CARMIL1: variants seen among roughly 807,000 people sequenced by gnomAD.
The protein encoded by CARMIL1 is F-actin-uncapping protein LRRC16A.
Under a neutral mutation model 177.1 loss-of-function variants are expected in CARMIL1, and 90 were observed. The ratio of observed to expected loss-of-function variants is 0.51; its 90% CI spans 0.43 to 0.61. The LOEUF (loss-of-function observed/expected upper bound fraction) is 0.61, where lower values mean the gene tolerates loss of function less well. Ranked by LOEUF, CARMIL1 falls within the 20% of genes least tolerant of loss-of-function variation. The pLI is 0.00. For synonymous variants in CARMIL1, 577 were observed against 606.2 expected (o/e 0.95, Z 0.71); for missense variants, 1,380 against 1,667.0 (o/e 0.83, Z 3.00).
chr6:25,367,746 C>T (rs758858215), intron 2 of CARMIL1, among the ~76,000 whole-genome samples: 32 of 152,212 alleles, frequency 2.1e-4, no homozygotes, highest in East Asian at 3.8e-4. Flanking sequence ...GACCACCTCT[C>T]CTGTGCTGCA....
chr6:25,547,364 AAAG>A (rs1342858839), intron 26 of CARMIL1, among the ~76,000 whole-genome samples: 3 of 152,180 alleles, frequency 2.0e-5, no homozygotes, highest in Non-Finnish European at 4.4e-5. Context: ...AGACACATAT[AAAG>A]AAGAACAAGA....
chr6:25,286,647 A>G (rs1781543665), intron 2 of CARMIL1, among the ~76,000 whole-genome samples: 1 of 152,202 alleles, frequency 6.6e-6, no homozygotes, highest in Admixed American at 6.5e-5. Context: ...TTAATAATGT[A>G]GTAACTTTAT....
At chr6:25,310,746 C>T (rs1159637748) in intron 2 of CARMIL1, among the ~76,000 whole-genome samples, 2 of 152,118 alleles carry the variant, frequency 1.3e-5, no homozygotes, top group African/African-American at 4.8e-5. Flanking sequence ...GCTTAAAGTT[C>T]TGTGATTTCT....
chr6:25,331,650 G>A lies in CARMIL1; in HGVS notation c.138+46741G>A, dbSNP rs114739983. Reference sequence around the variant, plus strand: ...CTCTTGCAGGACCCGTGAGGCATCCGTCCCCCAAGGGAGCCGAAGTTCAGT... The same window carrying A: ...CTCTTGCAGGACCCGTGAGGCATCCATCCCCCAAGGGAGCCGAAGTTCAGT... On this transcript the variant is annotated intron_variant, in intron 2 of 36. Coordinates refer to ENST00000329474, the MANE Select transcript of CARMIL1 (RefSeq NM_017640.6). 3.6e-3 allele frequency among the ~76,000 whole-genome samples: 551 copies of A among 152,310 alleles called. 3 individuals carry two copies. The highest frequency in any genetic ancestry group is 0.012 in the African/African-American group (503 of 41,562).
rs1388238352 is a variant in CARMIL1, at chr6:25,441,351, G to A, written c.371+5747G>A. Among the ~76,000 whole-genome samples, 63 of 133,476 alleles carry A rather than the reference G, an allele frequency of 4.7e-4. 1 individual carries two copies. Among genetic ancestry groups the A allele is most frequent in the African/African-American group, 1.7e-3 (59 of 34,736 alleles). 87.6% of individuals were successfully genotyped at this position (133,476 alleles called of 152,430 possible). ...TATATATATATATGTGTGTGTGTGT[G>A]TGTGTGTGTGTGTGTGTGTGTCTAT... On this transcript the variant is annotated intron_variant, in intron 5 of 36. Transcript: ENST00000329474.
At chr6:25,294,186 A>G (rs1366172612) in intron 2 of CARMIL1, among the ~76,000 whole-genome samples, 1 of 152,222 alleles carries the variant, frequency 6.6e-6, no homozygotes, top group Non-Finnish European at 1.5e-5. Flanking sequence ...AGCCTTTGGC[A>G]AGGGTTTGAG....
chr6:25,500,466 TC>T (rs1212491405), intron 17 of CARMIL1, among the ~76,000 whole-genome samples: 2 of 152,196 alleles, frequency 1.3e-5, no homozygotes, highest in Non-Finnish European at 2.9e-5. Context: ...TTGTTGTTGT[TC>T]CATTCTTGGT....
chr6:25,386,566 G>C (rs1488722807), intron 2 of CARMIL1, among the ~76,000 whole-genome samples: 1 of 152,036 alleles, frequency 6.6e-6, no homozygotes, highest in African/African-American at 2.4e-5. Flanking sequence ...CTGATATCTT[G>C]CTACTTGAAC....
intron 2 of CARMIL1, among the ~76,000 whole-genome samples, chr6:25,415,649 T>C (rs1795293837): frequency 6.6e-6 from 1 of 152,204 alleles, no homozygotes; most frequent in African/African-American, 2.4e-5. Flanking sequence ...CAGGGGACGT[T>C]GTAATCACTT....
At chr6:25,332,742 T>TAC (rs35133749) in intron 2 of CARMIL1, among the ~76,000 whole-genome samples, 3,620 of 140,126 alleles carry the variant, frequency 0.026, 113 homozygotes, top group South Asian at 0.12. Flanking sequence ...CAAACATGCA[T>TAC]ACACACACAC....
intron 2 of CARMIL1, among the ~76,000 whole-genome samples, chr6:25,317,612 G>T (rs1784380473): frequency 1.4e-5 from 2 of 138,558 alleles, no homozygotes; most frequent in East Asian, 2.3e-4. Flanking sequence ...CGTCACCCAG[G>T]TTAGAATGCA....
At chr6:25,349,904 A>T (rs973706992) in intron 2 of CARMIL1, among the ~76,000 whole-genome samples, 10 of 151,418 alleles carry the variant, frequency 6.6e-5, no homozygotes, top group Admixed American at 2.0e-4. Flanking sequence ...AATTTTTGTA[A>T]TTTTAGTAGA....
chr6:25,581,122 G>C, intron 30 of CARMIL1, 121 bp from the exon 31 acceptor site: 2 of 1,258,360 alleles, frequency 1.6e-6, no homozygotes, highest in East Asian at 2.5e-5. Flanking sequence ...TCAGTGATCT[G>C]TGAATGTGTG....
At chr6:25,495,637 T>G (rs1803635242) in intron 16 of CARMIL1, among the ~76,000 whole-genome samples, 1 of 152,068 alleles carries the variant, frequency 6.6e-6, no homozygotes, top group Non-Finnish European at 1.5e-5. Context: ...ACACATTGTA[T>G]GTATGCAACA....
intron 2 of CARMIL1, among the ~76,000 whole-genome samples, chr6:25,338,744 G>A (rs759817938): frequency 1.3e-5 from 2 of 152,176 alleles, no homozygotes; most frequent in East Asian, 1.9e-4. Context: ...CCATTGATTC[G>A]GTTATAACAA....
At chr6:25,602,704 T>C (rs1815553322) in intron 33 of CARMIL1, among the ~76,000 whole-genome samples, 1 of 152,220 alleles carries the variant, frequency 6.6e-6, no homozygotes, top group African/African-American at 2.4e-5. Flanking sequence ...ACATTTTTTT[T>C]CTAAAGTACC....
intron 2 of CARMIL1, among the ~76,000 whole-genome samples, chr6:25,353,846 C>A (rs1788329501): frequency 6.6e-6 from 1 of 152,162 alleles, no homozygotes; most frequent in Admixed American, 6.5e-5. Context: ...CCATTCACTA[C>A]CCTTTTCATT....
intron 20 of CARMIL1, among the ~76,000 whole-genome samples, chr6:25,511,018 C>G (rs1381915631): frequency 6.6e-6 from 1 of 152,090 alleles, no homozygotes; most frequent in African/African-American, 2.4e-5. Context: ...TAAATTGACT[C>G]CTGAGCCTAT....
intron 24 of CARMIL1, among the ~76,000 whole-genome samples, chr6:25,534,828 A>G (rs1036075987): frequency 6.6e-6 from 1 of 152,210 alleles, no homozygotes; most frequent in African/African-American, 2.4e-5. Flanking sequence ...TAGCTCCTCT[A>G]TGCCAGGTGT....
Sources: gnomAD v4.1 joint callset for allele counts (sites outside exome capture counted in the v4.1 genomes callset) on GRCh38, gnomAD v4.1.1 for gene constraint, MANE v1.5 for transcripts, NCBI Gene and HGNC (gene_info 2026-07-23, HGNC 2026-07-21) for gene names.